Variants in SMAP1 observed in about 807,000 individuals in gnomAD.
SMAP1 encodes stromal membrane-associated protein 1.
SMAP1 carries 24 observed loss-of-function variants against 58.5 expected under a neutral mutation model. The observed-to-expected ratio is 0.41, with a 90% CI of 0.30 to 0.58. SMAP1 has a LOEUF of 0.58. SMAP1 is among the 20% of genes least tolerant of loss of function. SMAP1 has a pLI of 0.29. For synonymous variants in SMAP1, 216 were observed against 196.6 expected, an observed-to-expected ratio of 1.10 and a Z score of -0.82; for missense variants, 563 against 566.3, an observed-to-expected ratio of 0.99 and a Z score of 0.06.
At chr6:70,807,685 C>A (rs1403119263) in intron 6 of SMAP1, among the ~76,000 whole-genome samples, 1 of 152,126 alleles carries the variant, frequency 6.6e-6, no homozygotes, top group Non-Finnish European at 1.5e-5. Context: ...ATGGAACATG[C>A]AAAATAATCT....
At chr6:70,687,292 G>A (rs2128554121) in intron 1 of SMAP1, among the ~76,000 whole-genome samples, 1 of 152,142 alleles carries the variant, frequency 6.6e-6, no homozygotes, top group Middle Eastern at 3.4e-3. Context: ...GAATTTCTTT[G>A]CCATGTATTC....
chr6:70,777,628 C>T (rs1767599988), intron 4 of SMAP1, among the ~76,000 whole-genome samples: 1 of 151,910 alleles, frequency 6.6e-6, no homozygotes, highest in Non-Finnish European at 1.5e-5. Context: ...TCCCATTTTT[C>T]TATTTTTGGT....
At position 70,725,093 on chromosome 6, in the gene SMAP1, G is replaced by GTTTTTTTTT. The variant is rs745587315; in HGVS notation, c.119-7252_119-7244dup. On this transcript the variant is annotated intron_variant, in intron 1 of 10. Transcript: ENST00000370455. ...GACTCCATATCCTAAATTAACCAGTGTTTTTTTTTTTTTTTTTTTTTTTTT... is the reference window on the plus strand; with the variant it reads ...GACTCCATATCCTAAATTAACCAGTGTTTTTTTTTTTTTTTTTTTTTTTTTTTTTTTTTT... Among the ~76,000 whole-genome samples the GTTTTTTTTT allele has an allele frequency of 4.6e-4, 22 of 47,822 alleles. 4 individuals are homozygous for GTTTTTTTTT. The highest frequency in any genetic ancestry group is 6.8e-4 in the Non-Finnish European group (17 of 24,998). 31.4% of individuals were successfully genotyped at this position (47,822 alleles called of 152,430 possible). A position where few individuals can be genotyped will look rare whatever the true frequency, so the allele number is the denominator to read the frequency against.
At position 70,791,764 on chromosome 6, in the gene SMAP1, T is replaced by C. The variant is rs980039476; in HGVS notation, c.490T>C (p.Leu164=). 4 of 1,612,792 alleles carry C rather than the reference T, an allele frequency of 2.5e-6. No individual in the cohort carries two copies. In the African/African-American group the frequency reaches 5.3e-5, roughly 22 times the overall value. ...GCAAGCTGCTGTTGACAAAAATAAATTGGAGGTATGGTCATGTTTTAACCA... is the reference window on the plus strand; with the variant it reads ...GCAAGCTGCTGTTGACAAAAATAAACTGGAGGTATGGTCATGTTTTAACCA... ...SLQAAVDKNK[L]EKEKEKKKEE... The change falls in exon 5 of 11, where the codon TTG becomes CTG. Residue 164 remains leucine (L), a synonymous_variant. Coordinates refer to ENST00000370455, the MANE Select transcript of SMAP1 (RefSeq NM_001044305.3).
At chr6:70,713,234 A>AT (rs954011111) in intron 1 of SMAP1, among the ~76,000 whole-genome samples, 7 of 149,898 alleles carry the variant, frequency 4.7e-5, no homozygotes, top group East Asian at 2.0e-4. Context: ...AGTTTTGTTG[A>AT]TTTTTTTTCC....
At chr6:70,755,406 T>C (rs975195522) in intron 3 of SMAP1, among the ~76,000 whole-genome samples, 1 of 152,078 alleles carries the variant, frequency 6.6e-6, no homozygotes. Context: ...TGAGTACTAG[T>C]GTAACCATTC....
chr6:70,770,145 TG>T (rs1216179069), intron 3 of SMAP1, among the ~76,000 whole-genome samples: 1 of 151,920 alleles, frequency 6.6e-6, no homozygotes, highest in Non-Finnish European at 1.5e-5. Context: ...CTTCCCTTTG[TG>T]GGTAACCCGA....
chr6:70,772,632 A>G (rs1316535457), intron 3 of SMAP1, among the ~76,000 whole-genome samples: 1 of 152,236 alleles, frequency 6.6e-6, no homozygotes, highest in Non-Finnish European at 1.5e-5. Flanking sequence ...ACTCAATCCC[A>G]GTATAAATTA....
At chr6:70,851,426 C>T (rs1431194708) in intron 7 of SMAP1, among the ~76,000 whole-genome samples, 1 of 152,188 alleles carries the variant, frequency 6.6e-6, no homozygotes, top group Non-Finnish European at 1.5e-5. Context: ...ATACCCCATT[C>T]ATTGTTGAAA....
intron 3 of SMAP1, among the ~76,000 whole-genome samples, chr6:70,758,238 G>C (rs974218419): frequency 1.3e-5 from 2 of 151,774 alleles, no homozygotes; most frequent in Admixed American, 1.3e-4. Flanking sequence ...GATGAAATTG[G>C]AAATCATCAT....
At chr6:70,773,298 G>C (rs1265738667) in intron 3 of SMAP1, 52 bp from the exon 4 acceptor site, 5 of 1,095,834 alleles carry the variant, frequency 4.6e-6, no homozygotes, top group Non-Finnish European at 5.4e-6. Context: ...TGAATAAAGG[G>C]AAGTGTACAT....
chr6:70,801,290 T>C (rs1347538270), intron 6 of SMAP1, among the ~76,000 whole-genome samples: 1 of 152,236 alleles, frequency 6.6e-6, no homozygotes, highest in East Asian at 1.9e-4. Flanking sequence ...CATTTTTTCA[T>C]ATATCTGTTG....
chr6:70,725,005 C>A (rs1354245489), intron 1 of SMAP1, among the ~76,000 whole-genome samples: 1 of 138,764 alleles, frequency 7.2e-6, no homozygotes, highest in African/African-American at 2.7e-5. Context: ...AATGTGAAAT[C>A]TTTTAAATAT....
chr6:70,758,984 A>T (rs1361077333), intron 3 of SMAP1, among the ~76,000 whole-genome samples: 1 of 152,118 alleles, frequency 6.6e-6, no homozygotes, highest in East Asian at 1.9e-4. Context: ...TGGAAACATG[A>T]GTCTGGACCC....
intron 3 of SMAP1, among the ~76,000 whole-genome samples, chr6:70,765,049 C>A (rs1279662936): frequency 6.6e-6 from 1 of 152,222 alleles, no homozygotes; most frequent in Non-Finnish European, 1.5e-5. Context: ...GATCAGCCCA[C>A]CTGGGCCTCC....
At chr6:70,747,608 T>A (rs1392554810) in intron 2 of SMAP1, among the ~76,000 whole-genome samples, 2 of 152,190 alleles carry the variant, frequency 1.3e-5, no homozygotes, top group Non-Finnish European at 2.9e-5. Flanking sequence ...GGAGTCAGAA[T>A]AACCAAGACT....
Position 70,856,971 on chromosome 6 carries a change from C to T in SMAP1, c.902C>T (p.Ser301Phe). ...KSEEVAKKQL[S>F]KDSILSLYGT... Reference sequence around the variant, plus strand: ...GAAGAAGTGGCAAAGAAACAACTTTCCAAAGACTCCATCTTATCTCTGTAT... The same window carrying T: ...GAAGAAGTGGCAAAGAAACAACTTTTCAAAGACTCCATCTTATCTCTGTAT... The change falls in exon 9 of 11, where the codon TCC (serine) becomes TTC (phenylalanine). Residue 301 changes from serine (S) to phenylalanine (F), a missense_variant. Ser to Phe is a radical substitution (Grantham distance 155, BLOSUM62 -2). This residue lies in a region of SMAP1 where 494 missense variants were observed against 473.8 expected (regional missense o/e 1.04). Transcript: ENST00000370455. The T allele has an allele frequency of 6.2e-7, 1 of 1,613,952 alleles. No homozygotes were observed. The highest frequency in any genetic ancestry group is 8.5e-7 in the Non-Finnish European group (1 of 1,179,866).
intron 2 of SMAP1, among the ~76,000 whole-genome samples, 168 bp downstream of exon 2, chr6:70,732,679 T>C (rs960093637): frequency 2.0e-5 from 3 of 152,266 alleles, no homozygotes; most frequent in Non-Finnish European, 4.4e-5. Flanking sequence ...CAGATGTTTA[T>C]TTCATTTTGT....
intron 6 of SMAP1, among the ~76,000 whole-genome samples, chr6:70,805,060 G>A (rs1205598019): frequency 6.6e-6 from 1 of 151,950 alleles, no homozygotes; most frequent in African/African-American, 2.4e-5. Context: ...TTGCTAGGTT[G>A]GGTACGTTCT....
Sources: allele counts gnomAD v4.1 joint callset (sites outside exome capture counted in the v4.1 genomes callset), GRCh38; gene constraint gnomAD v4.1.1; regional missense constraint gnomAD v4.1.1; transcripts MANE v1.5; gene names NCBI Gene and HGNC (gene_info 2026-07-23, HGNC 2026-07-21).